RBFOX1: variants seen among roughly 807,000 people sequenced by gnomAD.
RBFOX1 encodes RNA binding protein fox-1 homolog 1.
A neutral mutation model predicts 57.7 loss-of-function variants in RBFOX1; 8 were observed. The observed-to-expected ratio is 0.14, with a 90% CI of 0.08 to 0.25. The LOEUF (loss-of-function observed/expected upper bound fraction) is 0.25. Ranked by LOEUF, RBFOX1 falls within the 10% of genes least tolerant of loss-of-function variation. The pLI is 1.00. For synonymous variants in RBFOX1, 326 were observed against 222.4 expected, an observed-to-expected ratio of 1.47 and a Z score of -4.15; for missense variants, 611 against 548.5, an observed-to-expected ratio of 1.11 and a Z score of -1.14.
At chr16:7,378,523 A>G (rs764876885) in intron 4 of RBFOX1, among the ~76,000 whole-genome samples, 1 of 152,064 alleles carries the variant, frequency 6.6e-6, no homozygotes, top group African/African-American at 2.4e-5. Context: ...TTCCAACTGG[A>G]TATGTCATTT....
intron 3 of RBFOX1, among the ~76,000 whole-genome samples, chr16:5,843,112 C>T (rs2056668036): frequency 6.6e-6 from 1 of 152,212 alleles, no homozygotes; most frequent in East Asian, 1.9e-4. Flanking sequence ...CAGGCGTGAG[C>T]CACCACGCCA....
chr16:7,464,272 C>T (rs754933914), intron 4 of RBFOX1, among the ~76,000 whole-genome samples: 1 of 152,192 alleles, frequency 6.6e-6, no homozygotes, highest in African/African-American at 2.4e-5. Flanking sequence ...GCCATTGGAG[C>T]TCCCCAGTAG....
At chr16:5,379,973 G>T (rs189026207) in intron 1 of RBFOX1, among the ~76,000 whole-genome samples, 20 of 152,332 alleles carry the variant, frequency 1.3e-4, no homozygotes, top group Admixed American at 1.2e-3. Flanking sequence ...AGGTGCCCTT[G>T]TTGGCTGTGA....
chr16:7,069,996 G>C (rs1045801200), intron 4 of RBFOX1, among the ~76,000 whole-genome samples: 1 of 152,106 alleles, frequency 6.6e-6, no homozygotes, highest in African/African-American at 2.4e-5. Context: ...TCTGATCAGT[G>C]GATATTCTCA....
intron 4 of RBFOX1, among the ~76,000 whole-genome samples, chr16:7,341,476 C>T (rs1039280253): frequency 4.6e-5 from 7 of 152,094 alleles, no homozygotes; most frequent in African/African-American, 7.2e-5. Context: ...CGTAGGGGGG[C>T]CATGCCATTC....
At chr16:7,354,840 A>G (rs1415818482) in intron 4 of RBFOX1, among the ~76,000 whole-genome samples, 1 of 152,200 alleles carries the variant, frequency 6.6e-6, no homozygotes, top group Non-Finnish European at 1.5e-5. Context: ...ACAGTATGAT[A>G]TAGGACATTC....
chr16:7,029,452 C>T (rs2042231448), intron 3 of RBFOX1, among the ~76,000 whole-genome samples: 1 of 151,658 alleles, frequency 6.6e-6, no homozygotes, highest in Non-Finnish European at 1.5e-5. Context: ...AAATCATCTT[C>T]AGTCAGGATG....
intron 2 of RBFOX1, among the ~76,000 whole-genome samples, chr16:6,557,408 A>G (rs1317521856): frequency 1.3e-5 from 2 of 152,170 alleles, no homozygotes; most frequent in Non-Finnish European, 2.9e-5. Flanking sequence ...GATGTGAACC[A>G]GACTGGGACA....
intron 4 of RBFOX1, among the ~76,000 whole-genome samples, chr16:7,322,646 T>C (rs543267007): frequency 1.3e-5 from 2 of 152,226 alleles, no homozygotes; most frequent in South Asian, 4.1e-4. Flanking sequence ...GAGGGCACAA[T>C]TCAGAGTGGT....
At chr16:6,709,566 C>A (rs1014549) in intron 3 of RBFOX1, among the ~76,000 whole-genome samples, 149,151 of 152,344 alleles carry the variant, frequency 0.98, 73,102 homozygotes, top group East Asian at 1. Context: ...TATTAATCTT[C>A]AAACTCATTT....
chr16:6,933,199 C>G (rs978666969), intron 3 of RBFOX1, among the ~76,000 whole-genome samples: 1 of 152,156 alleles, frequency 6.6e-6, no homozygotes, highest in Non-Finnish European at 1.5e-5. Context: ...ATGCTATGAA[C>G]GGGAGTGTAC....
intron 2 of RBFOX1, among the ~76,000 whole-genome samples, chr16:6,328,257 A>G (rs1567946558): frequency 6.6e-6 from 1 of 152,180 alleles, no homozygotes; most frequent in Non-Finnish European, 1.5e-5. Context: ...GAATGATGCA[A>G]GGAACTTTGG....
At chr16:5,322,306 A>G (rs2064432803) in intron 1 of RBFOX1, among the ~76,000 whole-genome samples, 1 of 152,146 alleles carries the variant, frequency 6.6e-6, no homozygotes, top group South Asian at 2.1e-4. Context: ...TCTCAGATAC[A>G]TTCCTCACTC....
chr16:5,390,019 G>A (rs902100326), intron 1 of RBFOX1, among the ~76,000 whole-genome samples: 1 of 151,928 alleles, frequency 6.6e-6, no homozygotes, highest in African/African-American at 2.4e-5. Context: ...TTTAAAAATA[G>A]GGCTGTACTT....
chr16:7,201,884 G>A (rs1275685078), intron 4 of RBFOX1, among the ~76,000 whole-genome samples: 3 of 152,146 alleles, frequency 2.0e-5, no homozygotes, highest in Non-Finnish European at 4.4e-5. Context: ...TATTGATGGT[G>A]GGGTAGACTT....
chr16:7,170,158 A>G (rs12921733), intron 4 of RBFOX1, among the ~76,000 whole-genome samples: 34,606 of 152,202 alleles, frequency 0.23, 4,513 homozygotes, highest in Non-Finnish European at 0.31. Flanking sequence ...ACAGAACTTC[A>G]AATTTCCAAA....
At chr16:5,670,626 A>G (rs1359068936) in intron 3 of RBFOX1, among the ~76,000 whole-genome samples, 1 of 152,140 alleles carries the variant, frequency 6.6e-6, no homozygotes, top group Non-Finnish European at 1.5e-5. Context: ...CTAATCCTAC[A>G]CTCATACACA....
At chr16:7,434,181 T>A (rs1335814968) in intron 4 of RBFOX1, among the ~76,000 whole-genome samples, 1 of 150,962 alleles carries the variant, frequency 6.6e-6, no homozygotes, top group African/African-American at 2.4e-5. Context: ...GTATAAGAGA[T>A]GAAGGAGGGG....
chr16:5,619,277 C>T (rs1477332895), intron 3 of RBFOX1, among the ~76,000 whole-genome samples: 1 of 152,172 alleles, frequency 6.6e-6, no homozygotes, highest in East Asian at 1.9e-4. Flanking sequence ...GCCACCTTGG[C>T]TGCAAACATC....
Sources: gnomAD v4.1 joint callset for allele counts (sites outside exome capture counted in the v4.1 genomes callset) on GRCh38, gnomAD v4.1.1 for gene constraint, MANE v1.5 for transcripts, NCBI Gene and HGNC (gene_info 2026-07-23, HGNC 2026-07-21) for gene names.